The following RDX variants were observed in gnomAD, a reference collection of about 807,000 sequenced individuals.
RDX encodes radixin, also known as deafness, autosomal recessive 24.
RDX carries 32 observed loss-of-function variants against 83.7 expected under a neutral mutation model. That is an observed-to-expected ratio of 0.38 (90% CI 0.29 to 0.51). The LOEUF is 0.51. RDX is among the 20% of genes least tolerant of loss of function. The pLI is 0.87. For synonymous variants in RDX, 229 were observed against 222.7 expected (o/e 1.03, Z -0.25); for missense variants, 600 against 689.9 (o/e 0.87, Z 1.46).
At chr11:110,184,701 G>A (rs577744704) in intron 15 of RDX, among the ~76,000 whole-genome samples, 33 of 152,140 alleles carry the variant, frequency 2.2e-4, no homozygotes, top group Non-Finnish European at 3.7e-4. Flanking sequence ...GGTGTGCAGC[G>A]GGCAGCCCAC....
chr11:110,274,879 A>G (rs1386217813), intron 2 of RDX, among the ~76,000 whole-genome samples: 1 of 152,184 alleles, frequency 6.6e-6, no homozygotes, highest in Non-Finnish European at 1.5e-5. Flanking sequence ...ACTGCTATGA[A>G]CATTCTCGTA....
chr11:110,222,515 G>A (rs1864283544), intron 14 of RDX, among the ~76,000 whole-genome samples: 2 of 152,284 alleles, frequency 1.3e-5, no homozygotes, highest in East Asian at 3.9e-4. Context: ...TTACTAAATG[G>A]ACCGGGCATG....
At chr11:110,278,418 T>C (rs952157485) in intron 2 of RDX, among the ~76,000 whole-genome samples, 2 of 152,160 alleles carry the variant, frequency 1.3e-5, no homozygotes, top group Non-Finnish European at 2.9e-5. Flanking sequence ...ACATATTTTA[T>C]AGTTCTCTAT....
intron 3 of RDX, among the ~76,000 whole-genome samples, chr11:110,265,138 G>A (rs1419097213): frequency 4.7e-5 from 6 of 127,462 alleles, no homozygotes; most frequent in Non-Finnish European, 7.9e-5. Context: ...TTGTCACCCA[G>A]GCTGGGGTGC....
Position 110,222,805 on chromosome 11 carries a change from A to AAATG in RDX, c.1748+9064_1748+9067dup, listed in dbSNP as rs370229369. On this transcript the variant is annotated intron_variant, in intron 14 of 15. Coordinates refer to the RDX transcript ENST00000528498. Reference sequence around the variant, plus strand: ...ACAGAGCCAGACTCCCAACTCAAATAAATGAATGAATGAATGAATGAATGG... The same window carrying AAATG: ...ACAGAGCCAGACTCCCAACTCAAATAAATGAATGAATGAATGAATGAATGAATGG... Among the ~76,000 whole-genome samples the AAATG allele has an allele frequency of 3.1e-3, 472 of 152,136 alleles. 1 individual carries two copies. Among genetic ancestry groups the AAATG allele is most frequent in the African/African-American group, 7.0e-3 (290 of 41,502 alleles).
rs139956800 is a variant in RDX at position 110,259,122 on chromosome 11, G to C, written c.468-933C>G. Among the ~76,000 whole-genome samples the C allele has an allele frequency of 9.4e-3, 1,433 of 152,068 alleles. 13 individuals carry two copies. The highest frequency in any genetic ancestry group is 0.024 in the Middle Eastern group (7 of 294). On this transcript the variant is annotated intron_variant, in intron 5 of 13. Coordinates refer to ENST00000645495, the MANE Select transcript of RDX (RefSeq NM_002906.4). ...GTGTGTTTTTTTGGTATTTTTAGTA[G>C]AGACGGGGTTTCGCCATGTTGGCCA...
chr11:110,282,781 C>T (rs1860815556), intron 1 of RDX, among the ~76,000 whole-genome samples: 1 of 152,106 alleles, frequency 6.6e-6, no homozygotes, highest in African/African-American at 2.4e-5. Context: ...GAGTTCAAGA[C>T]CAGCCTGGGT....
chr11:110,218,314 G>T (rs976232869), intron 14 of RDX, among the ~76,000 whole-genome samples: 12 of 152,222 alleles, frequency 7.9e-5, no homozygotes, highest in African/African-American at 2.7e-4. Flanking sequence ...TCTTTTCAAT[G>T]ATGTTCTTGT....
Position 110,197,470 on chromosome 11 carries a change from T to G in RDX, c.*31+2111A>C, listed in dbSNP as rs558927565. Among the ~76,000 whole-genome samples, 10 of 152,350 alleles carry G rather than the reference T, an allele frequency of 6.6e-5. No individual in the cohort carries two copies. In the East Asian group the frequency reaches 1.9e-3, roughly 29 times the overall value. On this transcript the variant is annotated intron_variant, in intron 15 of 15. Coordinates refer to the RDX transcript ENST00000528498. Reference sequence around the variant, plus strand: ...GGCAATCACCAACTCTGTGGATCCCTTCATAAATTCATGTCTAGATAATTC... The same window carrying G: ...GGCAATCACCAACTCTGTGGATCCCGTCATAAATTCATGTCTAGATAATTC...
chr11:110,241,723 C>T (rs1392766100), intron 10 of RDX, among the ~76,000 whole-genome samples: 1 of 152,176 alleles, frequency 6.6e-6, no homozygotes. Context: ...AGTAGGGTCT[C>T]AAACCAATAC....
At chr11:110,195,634 A>G (rs1029467530) in intron 15 of RDX, 1 of 152,264 alleles carries the variant, frequency 6.6e-6, no homozygotes, top group African/African-American at 2.4e-5. Flanking sequence ...GAAATGTTGC[A>G]TCGATTTCTG....
At chr11:110,215,049 A>AAAATATATATATATATATATAT in intron 14 of RDX, among the ~76,000 whole-genome samples, 1 of 97,232 alleles carries the variant, frequency 1.0e-5, no homozygotes, top group African/African-American at 3.7e-5. Flanking sequence ...AAAAAAAAAA[A>AAAATATATATATATATATATAT]ATATATATAT....
chr11:110,274,699 T>C (rs1276409039), intron 2 of RDX, among the ~76,000 whole-genome samples: 1 of 152,206 alleles, frequency 6.6e-6, no homozygotes, highest in Non-Finnish European at 1.5e-5. Context: ...TTCTTTAAAA[T>C]TGCACTATAC....
chr11:110,209,709 CA>C lies in RDX; in HGVS notation c.1749-10032del, dbSNP rs1403553996. Among the ~76,000 whole-genome samples, 5 of 147,186 alleles carry C rather than the reference CA, an allele frequency of 3.4e-5. No individual in the cohort carries two copies. The South Asian group carries it at 9.2e-4, about 27-fold the overall frequency. Reference sequence around the variant, plus strand: ...ACCCCCGAGCAGCCTAACTGGGAGGCACCCCCCAGCAGGGGCACACTGACAC... The same window carrying C: ...ACCCCCGAGCAGCCTAACTGGGAGGCCCCCCCAGCAGGGGCACACTGACAC... On this transcript the variant is annotated intron_variant, in intron 14 of 15. Coordinates refer to the RDX transcript ENST00000528498.
Position 110,257,914 on chromosome 11 carries a change from C to CTA in RDX, c.552-2_552-1insTA. 6.2e-7 allele frequency: 1 copy of CTA among 1,611,092 alleles called. No homozygotes were observed. Among genetic ancestry groups the CTA allele is most frequent in the Non-Finnish European group, 8.5e-7 (1 of 1,177,766 alleles). Reference sequence around the variant, plus strand: ...CAGGTATTCCATCATAGAATCCTCCCTGTTGAAATAAAACTAAATGTAATA... The same window carrying CTA: ...CAGGTATTCCATCATAGAATCCTCCCTATGTTGAAATAAAACTAAATGTAATA... On this transcript the variant is annotated splice_acceptor_variant, in intron 6 of 13. Coordinates refer to ENST00000645495, the MANE Select transcript of RDX (RefSeq NM_002906.4). LOFTEE classifies it high-confidence loss of function.
intron 9 of RDX, among the ~76,000 whole-genome samples, chr11:110,253,074 T>C (rs1422696901): frequency 6.6e-6 from 1 of 152,120 alleles, no homozygotes; most frequent in Non-Finnish European, 1.5e-5. Flanking sequence ...ATCAATAAAA[T>C]CTCTTACACA....
intron 8 of RDX, among the ~76,000 whole-genome samples, chr11:110,254,652 T>C (rs1038616585): frequency 6.6e-6 from 1 of 152,102 alleles, no homozygotes; most frequent in Non-Finnish European, 1.5e-5. Context: ...ATATTTGTAT[T>C]TTCAGTAGAG....
At chr11:110,282,725 T>C (rs1184234835) in intron 1 of RDX, among the ~76,000 whole-genome samples, 1 of 152,202 alleles carries the variant, frequency 6.6e-6, no homozygotes, top group African/African-American at 2.4e-5. Context: ...ACACCTGTAA[T>C]TCCAGCACTT....
intron 14 of RDX, among the ~76,000 whole-genome samples, chr11:110,210,206 G>A (rs1863780421): frequency 1.5e-5 from 2 of 133,238 alleles, no homozygotes; most frequent in South Asian, 5.1e-4. Flanking sequence ...AGCCTCAGGA[G>A]CCGATGCAAT....
Sources: allele counts gnomAD v4.1 joint callset (sites outside exome capture counted in the v4.1 genomes callset), GRCh38; gene constraint gnomAD v4.1.1; transcripts MANE v1.5; gene names NCBI Gene and HGNC (gene_info 2026-07-23, HGNC 2026-07-21).